Variants in NAALADL2 observed in about 807,000 individuals in gnomAD.
NAALADL2 encodes the protein N-acetylated alpha-linked acidic dipeptidase like 2, also known as inactive N-acetylated-alpha-linked acidic dipeptidase-like protein 2.
In NAALADL2, 76 loss-of-function variants were observed where a neutral mutation model predicts 87.2. The observed-to-expected ratio is 0.87, with a 90% CI of 0.72 to 1.05. The LOEUF (loss-of-function observed/expected upper bound fraction) is 1.05. NAALADL2 is among the 50% of genes least tolerant of loss of function. The pLI is 0.00. For synonymous variants in NAALADL2, 354 were observed against 331.0 expected, an observed-to-expected ratio of 1.07 and a Z score of -0.75; for missense variants, 1,089 against 945.8, an observed-to-expected ratio of 1.15 and a Z score of -1.99.
chr3:175,157,475 T>G (rs1437396123), intron 2 of NAALADL2, among the ~76,000 whole-genome samples: 1 of 152,068 alleles, frequency 6.6e-6, no homozygotes, highest in Non-Finnish European at 1.5e-5. Context: ...CAATAAGCAT[T>G]AAGTAATAAA....
At chr3:175,799,662 G>T (rs1753900654) in intron 13 of NAALADL2, among the ~76,000 whole-genome samples, 1 of 151,944 alleles carries the variant, frequency 6.6e-6, no homozygotes, top group Admixed American at 6.6e-5. Context: ...AAATTATTTG[G>T]TTTCTCATTT....
chr3:175,291,301 A>G (rs572167520), intron 4 of NAALADL2, among the ~76,000 whole-genome samples: 15 of 152,238 alleles, frequency 9.9e-5, no homozygotes, highest in Admixed American at 2.0e-4. Context: ...ATATTCTAGC[A>G]ACAGTTCTTT....
intron 9 of NAALADL2, among the ~76,000 whole-genome samples, chr3:175,528,441 A>T (rs567141123): frequency 1.3e-5 from 2 of 152,142 alleles, no homozygotes; most frequent in East Asian, 3.9e-4. Context: ...GACCACCAAG[A>T]TTAAGGGTGG....
intron 1 of NAALADL2, among the ~76,000 whole-genome samples, chr3:174,951,317 A>G (rs1389857856): frequency 6.6e-6 from 1 of 151,708 alleles, no homozygotes; most frequent in Non-Finnish European, 1.5e-5. Context: ...TTTCCATTAG[A>G]ACAGCAAACT....
chr3:174,725,215 A>G (rs1392002923), intron 2 of NAALADL2, among the ~76,000 whole-genome samples: 1 of 152,198 alleles, frequency 6.6e-6, no homozygotes, highest in Non-Finnish European at 1.5e-5. Flanking sequence ...CCATGAGTAA[A>G]AAGATAAGTC....
chr3:174,475,587 TAATC>T (rs1166540281), intron 1 of NAALADL2, among the ~76,000 whole-genome samples: 2 of 151,990 alleles, frequency 1.3e-5, no homozygotes, highest in Non-Finnish European at 2.9e-5. Flanking sequence ...ATTCCACCAT[TAATC>T]AAGCACTCAT....
chr3:175,472,549 C>T (rs1023558522), intron 9 of NAALADL2, among the ~76,000 whole-genome samples: 1 of 152,016 alleles, frequency 6.6e-6, no homozygotes, highest in African/African-American at 2.4e-5. Flanking sequence ...TTTCAGATGC[C>T]CACAGGACTT....
At chr3:175,491,544 C>T (rs1433796830) in intron 9 of NAALADL2, among the ~76,000 whole-genome samples, 4 of 151,934 alleles carry the variant, frequency 2.6e-5, no homozygotes, top group South Asian at 2.1e-4. Flanking sequence ...AAATCATTCC[C>T]GATATATGTT....
chr3:175,170,157 T>C (rs1734589412), intron 2 of NAALADL2, among the ~76,000 whole-genome samples: 1 of 151,816 alleles, frequency 6.6e-6, no homozygotes, highest in South Asian at 2.1e-4. Context: ...ACTATATTTC[T>C]CTTTTCCTCT....
chr3:174,658,242 T>C (rs1323226073), intron 2 of NAALADL2, among the ~76,000 whole-genome samples: 1 of 152,184 alleles, frequency 6.6e-6, no homozygotes, highest in African/African-American at 2.4e-5. Context: ...CCACCGGCAA[T>C]GAATGAGTTC....
intron 9 of NAALADL2, among the ~76,000 whole-genome samples, chr3:175,523,262 C>T (rs1056268452): frequency 2.6e-5 from 4 of 152,108 alleles, no homozygotes; most frequent in Admixed American, 1.3e-4. Flanking sequence ...TTATTACTGG[C>T]GTCTAATGGA....
intron 11 of NAALADL2, among the ~76,000 whole-genome samples, chr3:175,681,815 G>A: frequency 6.6e-6 from 1 of 152,272 alleles, no homozygotes; most frequent in South Asian, 2.1e-4. Flanking sequence ...CTCAATGCTT[G>A]AAGACAGGGG....
At chr3:175,718,193 T>TG in intron 11 of NAALADL2, 2 of 1,098,620 alleles carry the variant, frequency 1.8e-6, no homozygotes, top group South Asian at 1.4e-5. Flanking sequence ...GAAGGGCCTG[T>TG]GGTTTTTTTT....
At chr3:175,261,355 T>C (rs1383647782) in intron 4 of NAALADL2, among the ~76,000 whole-genome samples, 1 of 152,030 alleles carries the variant, frequency 6.6e-6, no homozygotes, top group Non-Finnish European at 1.5e-5. Context: ...GAAGCAATAA[T>C]AACAAAAAGT....
chr3:174,870,840 C>T (rs948114078), intron 1 of NAALADL2, among the ~76,000 whole-genome samples: 1 of 152,050 alleles, frequency 6.6e-6, no homozygotes, highest in Admixed American at 6.6e-5. Context: ...TTCACAGTCC[C>T]TTTTATAGCT....
chr3:175,757,203 C>T (rs994137677), intron 13 of NAALADL2, among the ~76,000 whole-genome samples: 6 of 151,810 alleles, frequency 4.0e-5, no homozygotes, highest in African/African-American at 1.5e-4. Flanking sequence ...TATGTATAAA[C>T]AAAGGTTATA....
chr3:175,448,376 T>C (rs1180381388), intron 6 of NAALADL2, among the ~76,000 whole-genome samples: 1 of 152,376 alleles, frequency 6.6e-6, no homozygotes, highest in South Asian at 2.1e-4. Flanking sequence ...TTATGGGCTC[T>C]GTTTGTTAAA....
At chr3:174,485,451 C>T (rs886704872) in intron 1 of NAALADL2, among the ~76,000 whole-genome samples, 1 of 151,752 alleles carries the variant, frequency 6.6e-6, no homozygotes, top group South Asian at 2.1e-4. Flanking sequence ...CTCCACCCAC[C>T]CCCCTCTCTC....
chr3:174,684,662 A>G (rs645203), intron 2 of NAALADL2, among the ~76,000 whole-genome samples: 77,200 of 151,936 alleles, frequency 0.51, 22,472 homozygotes, highest in Non-Finnish European at 0.68. Context: ...AGTTCATGGA[A>G]GAGCAGCTAT....
Sources: allele counts gnomAD v4.1 joint callset (sites outside exome capture counted in the v4.1 genomes callset), GRCh38; gene constraint gnomAD v4.1.1; transcripts MANE v1.5; gene names NCBI Gene and HGNC (gene_info 2026-07-23, HGNC 2026-07-21).